BMPR1A: variants seen among roughly 807,000 people sequenced by gnomAD.
The protein encoded by BMPR1A is bone morphogenetic protein receptor type 1A, also known as bone morphogenetic protein receptor type-1A.
BMPR1A carries 7 observed loss-of-function variants against 66.0 expected under a neutral mutation model. The observed-to-expected ratio is 0.11, with a 90% confidence interval of 0.06 to 0.20. The LOEUF is 0.20. BMPR1A is among the 10% of genes least tolerant of loss of function. BMPR1A has a pLI of 1.00. For missense variants in BMPR1A, 408 were observed against 669.1 expected (o/e 0.61, Z 4.31); for synonymous variants, 200 against 229.7 (o/e 0.87, Z 1.17).
intron 3 of BMPR1A, among the ~76,000 whole-genome samples, chr10:86,881,843 A>G (rs1842990528): frequency 6.6e-6 from 1 of 152,260 alleles, no homozygotes; most frequent in African/African-American, 2.4e-5. Context: ...GGAAACTACT[A>G]AAGTAATTTG....
At chr10:86,837,334 T>C (rs979261896) in intron 1 of BMPR1A, among the ~76,000 whole-genome samples, 19 of 151,310 alleles carry the variant, frequency 1.3e-4, no homozygotes, top group Non-Finnish European at 2.1e-4. Context: ...CCTCCCAAAG[T>C]GCTGGGATTA....
In BMPR1A at chr10:86,804,426, G is replaced by C. The variant is rs1018955376; in HGVS notation, c.-267-34439G>C. ...GGCTAATTTTTATATTTTTAGCAGAGATGGGGTTTCGCCATCTCCTGATCT... is the reference window on the plus strand; with the variant it reads ...GGCTAATTTTTATATTTTTAGCAGACATGGGGTTTCGCCATCTCCTGATCT... On this transcript the variant is annotated intron_variant, in intron 1 of 12. Transcript: ENST00000372037. Among the ~76,000 whole-genome samples, 17 of 152,204 alleles carry C rather than the reference G, an allele frequency of 1.1e-4. No individual in the cohort carries two copies. In the East Asian group the frequency reaches 3.3e-3, roughly 29 times the overall value.
At chr10:86,833,609 A>T (rs768991717) in intron 1 of BMPR1A, among the ~76,000 whole-genome samples, 2 of 152,138 alleles carry the variant, frequency 1.3e-5, no homozygotes, top group African/African-American at 4.8e-5. Flanking sequence ...GCCGGTACAT[A>T]AACAGATTTT....
chr10:86,762,093 A>G (rs577358123), intron 1 of BMPR1A, among the ~76,000 whole-genome samples: 1 of 152,310 alleles, frequency 6.6e-6, no homozygotes, highest in South Asian at 2.1e-4. Context: ...AGTTAGCTTA[A>G]AGGAGGGAAA....
chr10:86,782,402 G>A (rs1044122366), intron 1 of BMPR1A, among the ~76,000 whole-genome samples: 2 of 152,070 alleles, frequency 1.3e-5, no homozygotes, highest in African/African-American at 2.4e-5. Context: ...TTTGAGGAAC[G>A]TCCATACTGT....
At chr10:86,830,797 C>CT (rs1319167366) in intron 1 of BMPR1A, among the ~76,000 whole-genome samples, 2 of 151,918 alleles carry the variant, frequency 1.3e-5, no homozygotes, top group African/African-American at 4.8e-5. Flanking sequence ...TTAAACAGGT[C>CT]TTTTGTAGAG....
intron 1 of BMPR1A, among the ~76,000 whole-genome samples, chr10:86,787,772 A>C (rs983448044): frequency 6.6e-6 from 1 of 152,184 alleles, no homozygotes; most frequent in Non-Finnish European, 1.5e-5. Context: ...GGGGAAGAGG[A>C]AGCAGGCCTA....
At chr10:86,808,404 T>C (rs912607825) in intron 1 of BMPR1A, among the ~76,000 whole-genome samples, 24 of 152,212 alleles carry the variant, frequency 1.6e-4, no homozygotes, top group African/African-American at 5.5e-4. Context: ...ATTGATACTA[T>C]TATATTTTTA....
chr10:86,802,029 T>C (rs554644924), intron 1 of BMPR1A, among the ~76,000 whole-genome samples: 14 of 152,264 alleles, frequency 9.2e-5, no homozygotes, highest in African/African-American at 3.1e-4. Context: ...CTGATTCTTA[T>C]TCTCTTGTCC....
chr10:86,882,359 G>C (rs1009467061), intron 3 of BMPR1A, among the ~76,000 whole-genome samples: 1 of 152,152 alleles, frequency 6.6e-6, no homozygotes, highest in African/African-American at 2.4e-5. Context: ...GGAGGTGGAG[G>C]TTGCAGTGAG....
chr10:86,771,651 A>T (rs1215739418), intron 1 of BMPR1A, among the ~76,000 whole-genome samples: 1 of 152,208 alleles, frequency 6.6e-6, no homozygotes, highest in Admixed American at 6.5e-5. Flanking sequence ...TAAGATGAGG[A>T]TGTGTACTAG....
chr10:86,888,764 C>T (rs537175613), intron 3 of BMPR1A, among the ~76,000 whole-genome samples: 7 of 148,518 alleles, frequency 4.7e-5, no homozygotes, highest in Admixed American at 1.4e-4. Flanking sequence ...GAGGTTGAGG[C>T]TGCAGTGAGC....
intron 1 of BMPR1A, among the ~76,000 whole-genome samples, chr10:86,792,781 G>A (rs1277388545): frequency 1.3e-5 from 2 of 152,246 alleles, no homozygotes; most frequent in East Asian, 3.9e-4. Flanking sequence ...ACTTTAAAAT[G>A]GATCATGATG....
chr10:86,866,602 G>T (rs1433849034), intron 2 of BMPR1A, among the ~76,000 whole-genome samples: 1 of 151,376 alleles, frequency 6.6e-6, no homozygotes, highest in Non-Finnish European at 1.5e-5. Context: ...TAGAGACAGG[G>T]TTTTACTATG....
At chr10:86,853,820 G>A (rs572852297) in intron 2 of BMPR1A, among the ~76,000 whole-genome samples, 6 of 152,230 alleles carry the variant, frequency 3.9e-5, no homozygotes, top group African/African-American at 1.2e-4. Flanking sequence ...ATATCACAAG[G>A]CAAATGGAGG....
intron 1 of BMPR1A, among the ~76,000 whole-genome samples, chr10:86,768,972 A>G (rs1841208986): frequency 1.3e-5 from 2 of 152,364 alleles, no homozygotes; most frequent in South Asian, 4.1e-4. Flanking sequence ...GAAGATGAGT[A>G]TTTCTGAGAG....
intron 2 of BMPR1A, among the ~76,000 whole-genome samples, chr10:86,869,000 C>T (rs189597038): frequency 8.5e-5 from 13 of 152,162 alleles, no homozygotes; most frequent in Admixed American, 6.5e-4. Flanking sequence ...TTTTAAATGG[C>T]AGCATGATTA....
intron 8 of BMPR1A, among the ~76,000 whole-genome samples, chr10:86,912,735 T>TATA (rs1342135775): frequency 6.6e-6 from 1 of 152,192 alleles, no homozygotes; most frequent in African/African-American, 2.4e-5. Flanking sequence ...AGGAATCAGG[T>TATA]ATAAGATTCC....
intron 1 of BMPR1A, among the ~76,000 whole-genome samples, chr10:86,824,112 T>TGTGTGTGTGTGTGTG: frequency 1.3e-5 from 2 of 151,848 alleles, no homozygotes; most frequent in East Asian, 1.9e-4. Flanking sequence ...TGTGTGTGTG[T>TGTGTGTGTGTGTGTG]TTCTTTCAGT....
Sources: allele counts gnomAD v4.1 joint callset (sites outside exome capture counted in the v4.1 genomes callset), GRCh38; gene constraint gnomAD v4.1.1; transcripts MANE v1.5; gene names NCBI Gene and HGNC (gene_info 2026-07-23, HGNC 2026-07-21).